CASP1: variants seen among roughly 807,000 people sequenced by gnomAD.
CASP1 encodes caspase-1.
Under a neutral mutation model 41.2 loss-of-function variants are expected in CASP1, and 31 were observed. That is an observed-to-expected ratio of 0.75 (90% CI 0.57 to 1.02). CASP1 has a LOEUF of 1.02. Among genes scored for constraint, CASP1 ranks in the 50% least tolerant of loss-of-function variants. The pLI is 0.00. For synonymous variants in CASP1, 163 were observed against 166.5 expected, an observed-to-expected ratio of 0.98 and a Z score of 0.16; for missense variants, 490 against 495.7, an observed-to-expected ratio of 0.99 and a Z score of 0.11.
At chr11:105,035,057 C>G in intron 1 of CASP1, 50 bp downstream of exon 1, 4 of 1,611,770 alleles carry the variant, frequency 2.5e-6, no homozygotes, top group Non-Finnish European at 3.4e-6. Context: ...CAGCCCCTTC[C>G]AAAACTCTTT....
At position 105,031,253 on chromosome 11, in the gene CASP1, G is replaced by C; in HGVS notation, c.365C>G (p.Ala122Gly). The change falls in exon 4 of 9, where the codon GCT becomes GGT. Residue 122 changes from alanine to glycine, a missense_variant. By Grantham distance (60) the Ala-to-Gly change is moderately conservative. Transcript: ENST00000533400. ...TTCTGAGCCTGAGGATGTGGGCATAGCTGGGTTGTCCTGCACTGCCTGAGG... is the reference window on the plus strand; with the variant it reads ...TTCTGAGCCTGAGGATGTGGGCATACCTGGGTTGTCCTGCACTGCCTGAGG... ...PAPQAVQDNPAMPTSSGSEGN... is the reference protein window; with the variant it reads ...PAPQAVQDNPGMPTSSGSEGN... 6.2e-7 allele frequency: 1 copy of C among 1,611,800 alleles called. No homozygotes were observed. The highest frequency in any genetic ancestry group is 8.5e-7 in the Non-Finnish European group (1 of 1,178,182).
In CASP1 at chr11:105,026,117, A is replaced by G. The variant is rs1977989; in HGVS notation, c.*141T>C. 0.25 allele frequency: 141,323 copies of G among 556,008 alleles called. 18,739 individuals carry two copies. The highest frequency in any genetic ancestry group is 0.28 in the Non-Finnish European group (87,134 of 313,024). The allele number at this position is 556,008 out of a possible 1,614,324, so 34.4% of individuals were successfully genotyped here. A position where few individuals can be genotyped will look rare whatever the true frequency, so the allele number is the denominator to read the frequency against. The stretch of plus-strand genomic sequence containing the variant: ...TGGATTTTAGAGCATTTCAAAATTC[A>G]AATTTTTGGATTAAGGATTCTCAGC... On this transcript the variant is annotated 3_prime_UTR_variant, in exon 9 of 9. Transcript: ENST00000533400.
intron 8 of CASP1, 37 bp from the exon 9 acceptor site, chr11:105,026,393 G>C: frequency 7.3e-7 from 1 of 1,370,268 alleles, no homozygotes; most frequent in South Asian, 1.2e-5. Context: ...CCTTTTTTTT[G>C]CTGAGTTTTT....
At chr11:105,030,095 G>A (rs11226593) in intron 5 of CASP1, among the ~76,000 whole-genome samples, 196 bp from the exon 6 acceptor site, 1 of 152,098 alleles carries the variant, frequency 6.6e-6, no homozygotes. Context: ...TTATCTTGTA[G>A]AGAGACAGTG....
upstream of CASP1, among the ~76,000 whole-genome samples, chr11:105,035,616 C>CTTTTCTTTTTTT (rs770202897): frequency 1.9e-5 from 1 of 52,072 alleles, no homozygotes; most frequent in African/African-American, 5.0e-5. Flanking sequence ...TTTTTTCTTT[C>CTTTTCTTTTTTT]TGTTTTTTTT....
chr11:105,032,042 T>C (rs526167), intron 3 of CASP1, among the ~76,000 whole-genome samples: 14,416 of 152,248 alleles, frequency 0.095, 974 homozygotes, highest in Admixed American at 0.21. Flanking sequence ...AAGAAATTAA[T>C]GTAACCTTTG....
rs193166845 is a variant in CASP1 at position 105,034,049 on chromosome 11, G to T, written c.274+159C>A. The T allele has an allele frequency of 2.7e-5, 31 of 1,153,422 alleles. No homozygotes were observed. In the African/African-American group the frequency reaches 4.4e-4, roughly 16 times the overall value. The allele number at this position is 1,153,422 out of a possible 1,614,324, so 71.4% of individuals were successfully genotyped here. A position where few individuals can be genotyped will look rare whatever the true frequency, so the allele number is the denominator to read the frequency against. ...AGGATTAAGGAAAAGAATCAAAGGA[G>T]AGTCAAGGGACATGCAATAGGGACC... is the stretch of plus-strand genomic sequence containing the variant. On this transcript the variant is annotated intron_variant, in intron 2 of 8. Coordinates refer to ENST00000533400, the MANE Select transcript of CASP1 (RefSeq NM_001257118.3).
intron 7 of CASP1, 27 bp from the exon 8 acceptor site, chr11:105,026,978 C>T: frequency 8.1e-7 from 1 of 1,238,950 alleles, no homozygotes; most frequent in Non-Finnish European, 1.2e-6. Flanking sequence ...TTTCAAATCT[C>T]AAGACTGGCT....
At chr11:105,033,349 A>G (rs1237367451) in intron 2 of CASP1, among the ~76,000 whole-genome samples, 1 of 152,236 alleles carries the variant, frequency 6.6e-6, no homozygotes, top group African/African-American at 2.4e-5. Context: ...AGATGAAAAC[A>G]GAAACATCTG....
chr11:105,033,313 T>C (rs1863808665), intron 2 of CASP1, among the ~76,000 whole-genome samples, 187 bp from the exon 3 acceptor site: 1 of 152,122 alleles, frequency 6.6e-6, no homozygotes, highest in African/African-American at 2.4e-5. Context: ...GAGGCATTGG[T>C]AGAAAAATAC....
At position 105,031,272 on chromosome 11, in the gene CASP1, C is replaced by T. The variant is rs776030696; in HGVS notation, c.346G>A (p.Ala116Thr). 3 of 1,593,150 alleles carry T rather than the reference C, an allele frequency of 1.9e-6. No homozygotes were observed. The highest frequency in any genetic ancestry group is 3.4e-5 in the Admixed American group (2 of 59,510). Residue 116 changes from alanine to threonine, a missense_variant, in exon 4 of 9, where the codon GCA becomes ACA. Coordinates refer to ENST00000533400, the MANE Select transcript of CASP1 (RefSeq NM_001257118.3). ...GGCATAGCTGGGTTGTCCTGCACTGCCTGAGGAGCTGCAAGAGACAAAGAA... is the reference window on the plus strand; with the variant it reads ...GGCATAGCTGGGTTGTCCTGCACTGTCTGAGGAGCTGCAAGAGACAAAGAA... Reference protein sequence around the residue: ...GVLSSFPAPQAVQDNPAMPTS... With the variant: ...GVLSSFPAPQTVQDNPAMPTS...
At chr11:105,031,542 T>C (rs1485717157) in intron 3 of CASP1, among the ~76,000 whole-genome samples, 1 of 151,988 alleles carries the variant, frequency 6.6e-6, no homozygotes, top group Non-Finnish European at 1.5e-5. Context: ...GATACTAACA[T>C]AGAAAGGGAA....
upstream of CASP1, chr11:105,035,241 C>A (rs570568715): frequency 8.9e-5 from 116 of 1,296,776 alleles, 1 homozygote; most frequent in South Asian, 1.4e-3. Context: ...TATTTTTCTT[C>A]CCATTAAAGA....
chr11:105,032,546 A>G (rs904378755), intron 3 of CASP1, among the ~76,000 whole-genome samples: 6 of 152,190 alleles, frequency 3.9e-5, no homozygotes, highest in Non-Finnish European at 7.3e-5. Context: ...CTTTAATAAA[A>G]TAATAGAAGT....
intron 1 of CASP1, 111 bp from the exon 2 acceptor site, chr11:105,034,585 T>C (rs113689109): frequency 1.1e-4 from 176 of 1,534,714 alleles, no homozygotes; most frequent in Non-Finnish European, 1.5e-4. Context: ...GTCCCCCTCC[T>C]CACAGTTGGG....
rs1393235725 is a variant in CASP1, at chr11:105,026,362, A to T, written c.1117-6T>A. On this transcript the variant is annotated splice_region_variant and splice_polypyrimidine_tract_variant and intron_variant, in intron 8 of 8. Coordinates refer to ENST00000533400, the MANE Select transcript of CASP1 (RefSeq NM_001257118.3). ...TGCTCAAATGAAAATCGAACCTAAA[A>T]GAGTAAGGAAAGTCTGTAGCCCTTT... 1 of 1,592,940 alleles carries T rather than the reference A, an allele frequency of 6.3e-7. No homozygotes were observed. The highest frequency in any genetic ancestry group is 2.2e-5 in the East Asian group (1 of 44,724).
chr11:105,033,673 G>A (rs1863835546), intron 2 of CASP1, among the ~76,000 whole-genome samples: 1 of 152,190 alleles, frequency 6.6e-6, no homozygotes, highest in Non-Finnish European at 1.5e-5. Flanking sequence ...GGAGGCAACT[G>A]GAGGAATGAG....
rs1234904889 is a variant in CASP1 at position 105,034,652 on chromosome 11, C to T, written c.8-178G>A. On this transcript the variant is annotated intron_variant, in intron 1 of 8. Transcript: ENST00000533400. Reference sequence around the variant, plus strand: ...CTTGTTTCCCTCAATAGTCTCCATACATGTGCATGGAGTGACCTGAAGACT... The same window carrying T: ...CTTGTTTCCCTCAATAGTCTCCATATATGTGCATGGAGTGACCTGAAGACT... 2.4e-5 allele frequency: 26 copies of T among 1,092,182 alleles called. No individual in the cohort carries two copies. The South Asian group carries it at 3.7e-4, about 16-fold the overall frequency. The allele number at this position is 1,092,182 out of a possible 1,614,324, so 67.7% of individuals were successfully genotyped here.
intron 3 of CASP1, among the ~76,000 whole-genome samples, chr11:105,031,643 A>C (rs75807001): frequency 0.026 from 3,975 of 152,282 alleles, 172 homozygotes; most frequent in African/African-American, 0.088. Flanking sequence ...CAAAATATTC[A>C]AACCCTAGGA....
Sources: allele counts gnomAD v4.1 joint callset (sites outside exome capture counted in the v4.1 genomes callset), GRCh38; gene constraint gnomAD v4.1.1; transcripts MANE v1.5; gene names NCBI Gene and HGNC (gene_info 2026-07-23, HGNC 2026-07-21).